CUX1: variants seen among roughly 807,000 people sequenced by gnomAD.
CUX1 encodes the protein cut like homeobox 1, also known as protein CASP.
A neutral mutation model predicts 158.8 loss-of-function variants in CUX1; 31 were observed. The ratio of observed to expected loss-of-function variants is 0.20; its 90% CI spans 0.15 to 0.26. The LOEUF (loss-of-function observed/expected upper bound fraction) is 0.26, where lower values mean the gene tolerates loss of function less well. Ranked by LOEUF, CUX1 falls within the 10% of genes least tolerant of loss-of-function variation. The pLI is 1.00. For missense variants in CUX1, 1,589 were observed against 2,014.6 expected (o/e 0.79, Z 4.04); for synonymous variants, 879 against 862.1 (o/e 1.02, Z -0.34).
At position 102,036,761 on chromosome 7, in the gene CUX1, C is replaced by CAA. The variant is rs35844490; in HGVS notation, c.189+8630_189+8631dup. On this transcript the variant is annotated intron_variant, in intron 3 of 23. Transcript: ENST00000292535. ...CATCTCAAAAAAACAAGCAAACAAA[C>CAA]AAAAAAAAAAAAAAACACCGGAATC... 3.1e-3 allele frequency among the ~76,000 whole-genome samples: 354 copies of CAA among 115,918 alleles called. 5 individuals carry two copies. The East Asian group carries it at 0.037, about 12-fold the overall frequency. 76.0% of individuals were successfully genotyped at this position (115,918 alleles called of 152,430 possible).
At chr7:101,832,323 G>A (rs922856605) in intron 1 of CUX1, among the ~76,000 whole-genome samples, 6 of 152,150 alleles carry the variant, frequency 3.9e-5, no homozygotes, top group Non-Finnish European at 7.4e-5. Context: ...AGAGGGGTGC[G>A]AAAAACTGAG....
rs1798263367 is a variant in CUX1 at position 101,869,580 on chromosome 7, G to GA, written c.31-46532dup. The stretch of plus-strand genomic sequence containing the variant: ...GGAGTGGCTGGTGGGGCGGGGGAGG[G>GA]AAACCAGCACGTTAGAAGGTCAGCC... On this transcript the variant is annotated intron_variant, in intron 1 of 23. Coordinates refer to ENST00000292535, the MANE Select transcript of CUX1 (RefSeq NM_181552.4). The surrounding 1 kb of genome is among the most constrained non-coding windows in gnomAD (Gnocchi z 4.5). Among the ~76,000 whole-genome samples the GA allele has an allele frequency of 6.6e-6, 1 of 151,828 alleles. No homozygotes were observed. Among genetic ancestry groups the GA allele is most frequent in the African/African-American group, 2.4e-5 (1 of 41,372 alleles).
At chr7:101,971,728 T>A (rs1811976698) in intron 2 of CUX1, among the ~76,000 whole-genome samples, 1 of 152,110 alleles carries the variant, frequency 6.6e-6, no homozygotes, top group African/African-American at 2.4e-5. Flanking sequence ...GCAAAAAAAA[T>A]TCTCCCTAAA....
chr7:102,028,472 C>G (rs559906038), intron 3 of CUX1, among the ~76,000 whole-genome samples: 4 of 152,192 alleles, frequency 2.6e-5, no homozygotes, highest in Admixed American at 1.3e-4. Context: ...TAGGAAGTCG[C>G]CTTGTCCCCC....
chr7:101,846,889 T>A (rs1584744544), intron 1 of CUX1, among the ~76,000 whole-genome samples: 1 of 152,004 alleles, frequency 6.6e-6, no homozygotes, highest in Non-Finnish European at 1.5e-5. Context: ...CCCAGCACTT[T>A]GGGAATCCAA....
At chr7:102,212,238 AG>A (rs1796609521) in intron 20 of CUX1, among the ~76,000 whole-genome samples, 1 of 152,206 alleles carries the variant, frequency 6.6e-6, no homozygotes, top group South Asian at 2.1e-4. Context: ...CACAGATGTC[AG>A]GGGCAGCCAG....
chr7:102,268,840 C>A (rs1291523477), intron 14 of CUX1, among the ~76,000 whole-genome samples: 1 of 151,970 alleles, frequency 6.6e-6, no homozygotes. Flanking sequence ...CCTTAAACAA[C>A]CAGATCCCTA....
intron 2 of CUX1, among the ~76,000 whole-genome samples, chr7:101,966,181 C>G (rs1301044088): frequency 6.6e-6 from 1 of 151,960 alleles, no homozygotes; most frequent in African/African-American, 2.4e-5. Flanking sequence ...TCCTCTTGCC[C>G]CAACCTCCCA....
At chr7:102,100,330 A>G (rs1829643965) in intron 5 of CUX1, among the ~76,000 whole-genome samples, 1 of 152,134 alleles carries the variant, frequency 6.6e-6, no homozygotes, top group Admixed American at 6.6e-5. Context: ...GAGTCCTTTT[A>G]TTGCTACCAC....
intron 8 of CUX1, among the ~76,000 whole-genome samples, chr7:102,150,856 A>G (rs998448935): frequency 6.6e-6 from 1 of 152,266 alleles, no homozygotes; most frequent in South Asian, 2.1e-4. Context: ...AGAGCTGAGC[A>G]TAATACCGGG....
chr7:102,127,552 G>T (rs937249300), intron 8 of CUX1, among the ~76,000 whole-genome samples: 7 of 148,000 alleles, frequency 4.7e-5, no homozygotes, highest in Non-Finnish European at 7.5e-5. Context: ...ACATGATTTT[G>T]ATTTCTAGGG....
intron 8 of CUX1, among the ~76,000 whole-genome samples, chr7:102,153,058 C>A (rs1835869986): frequency 6.6e-6 from 1 of 152,228 alleles, no homozygotes; most frequent in South Asian, 2.1e-4. Flanking sequence ...AAGTCTGCAC[C>A]TTCCCGCGTC....
intron 1 of CUX1, among the ~76,000 whole-genome samples, chr7:101,863,497 T>C (rs1479348575): frequency 6.6e-6 from 1 of 152,114 alleles, no homozygotes; most frequent in African/African-American, 2.4e-5. Flanking sequence ...ATTATAGGCA[T>C]GTGCCACCAT....
chr7:102,098,620 A>C (rs1164627854), intron 5 of CUX1, among the ~76,000 whole-genome samples: 1 of 150,538 alleles, frequency 6.6e-6, no homozygotes, highest in Non-Finnish European at 1.5e-5. Flanking sequence ...TAACAACAAC[A>C]GAAAAAGTTA....
intron 2 of CUX1, among the ~76,000 whole-genome samples, chr7:102,026,886 C>G (rs1488030966): frequency 1.4e-5 from 2 of 145,040 alleles, no homozygotes; most frequent in African/African-American, 5.1e-5. Flanking sequence ...AAGATATTAT[C>G]TTAGTCGAGT....
chr7:102,046,904 G>A (rs1380455009), intron 3 of CUX1, among the ~76,000 whole-genome samples: 13 of 152,132 alleles, frequency 8.5e-5, no homozygotes, highest in African/African-American at 1.4e-4. Flanking sequence ...GACAGCTTGC[G>A]AAGTGCATTC....
chr7:101,971,290 TAC>T (rs1811920907), intron 2 of CUX1, among the ~76,000 whole-genome samples: 1 of 152,178 alleles, frequency 6.6e-6, no homozygotes, highest in Non-Finnish European at 1.5e-5. Flanking sequence ...CTTGCAAAGT[TAC>T]AGTTAGCACA....
At chr7:102,258,861 G>T (rs961081092), downstream of CUX1, among the ~76,000 whole-genome samples, 4 of 152,216 alleles carry the variant, frequency 2.6e-5, no homozygotes, top group African/African-American at 9.6e-5. Flanking sequence ...TCTCTGGAAT[G>T]ACGGGGCTAC....
chr7:101,913,850 T>C (rs1256111416), intron 1 of CUX1, among the ~76,000 whole-genome samples: 1 of 152,216 alleles, frequency 6.6e-6, no homozygotes, highest in Non-Finnish European at 1.5e-5. Flanking sequence ...TCTTTTTTTT[T>C]CTTTTTTGTC....
Sources: allele counts gnomAD v4.1 joint callset (sites outside exome capture counted in the v4.1 genomes callset), GRCh38; gene constraint gnomAD v4.1.1; non-coding constraint Gnocchi (gnomAD v3.1); transcripts MANE v1.5; gene names NCBI Gene and HGNC (gene_info 2026-07-23, HGNC 2026-07-21).